PPP2R5C: variants seen among roughly 807,000 people sequenced by gnomAD.
The protein encoded by PPP2R5C is protein phosphatase 2 regulatory subunit B'gamma.
Under a neutral mutation model 68.9 loss-of-function variants are expected in PPP2R5C, and 7 were observed. The observed-to-expected ratio is 0.10, with a 90% CI of 0.06 to 0.19. PPP2R5C has a LOEUF of 0.19. Among genes scored for constraint, PPP2R5C ranks in the 10% least tolerant of loss-of-function variants. PPP2R5C has a pLI of 1.00. For synonymous variants in PPP2R5C, 210 were observed against 222.2 expected, an observed-to-expected ratio of 0.95 and a Z score of 0.49; for missense variants, 348 against 641.3, an observed-to-expected ratio of 0.54 and a Z score of 4.94.
At chr14:101,814,266 A>G (rs893821314) in intron 1 of PPP2R5C, among the ~76,000 whole-genome samples, 2 of 152,218 alleles carry the variant, frequency 1.3e-5, no homozygotes, top group African/African-American at 4.8e-5. Flanking sequence ...TCTCTTTACT[A>G]TGTAACTGCA....
At chr14:101,864,324 A>C (rs1300136730) in intron 2 of PPP2R5C, among the ~76,000 whole-genome samples, 1 of 152,120 alleles carries the variant, frequency 6.6e-6, no homozygotes, top group Non-Finnish European at 1.5e-5. Context: ...AAATATCCAA[A>C]TCTATTGTGC....
intron 8 of PPP2R5C, among the ~76,000 whole-genome samples, chr14:101,896,841 C>T (rs919872870): frequency 6.6e-6 from 1 of 152,108 alleles, no homozygotes; most frequent in African/African-American, 2.4e-5. Flanking sequence ...GGCCCTTTCT[C>T]TCTTTCACAG....
chr14:101,893,698 C>T lies in PPP2R5C; in HGVS notation c.798+590C>T, dbSNP rs1014968258. 1.6e-4 allele frequency among the ~76,000 whole-genome samples: 24 copies of T among 152,262 alleles called. No individual in the cohort carries two copies. The East Asian group carries it at 2.7e-3, about 17-fold the overall frequency. ...CCGGGAGGCGGAGGTTGCAGTGAGC[C>T]GAGATCGCGCCATTGCACTCCAGCC... On this transcript the variant is annotated intron_variant, in intron 7 of 13. Transcript: ENST00000334743.
chr14:101,894,710 A>G (rs1768330817), intron 8 of PPP2R5C, 150 bp downstream of exon 10: 1 of 687,296 alleles, frequency 1.5e-6, no homozygotes, highest in African/African-American at 1.8e-5. Context: ...TTCATGGGTT[A>G]TAGGTTTTCA....
intron 5 of PPP2R5C, among the ~76,000 whole-genome samples, chr14:101,885,639 C>T (rs2044455148): frequency 6.6e-6 from 1 of 152,244 alleles, no homozygotes; most frequent in African/African-American, 2.4e-5. Context: ...TTCCTTTGAA[C>T]TCCTTCCAAG....
At chr14:101,819,849 C>T (rs2039942367) in intron 1 of PPP2R5C, 1 of 152,222 alleles carries the variant, frequency 6.6e-6, no homozygotes, top group Non-Finnish European at 1.5e-5. Flanking sequence ...GTCTCAAACC[C>T]CTGGGCTCAA....
At position 101,860,892 on chromosome 14, in the gene PPP2R5C, C is replaced by T. The variant is rs201744005; in HGVS notation, c.294+4007C>T. ...CCCTTTTCTTTTCCAGATAAAAAGGCTTATTGGGTTCAGAGAGATGCGGGT... is the reference window on the plus strand; with the variant it reads ...CCCTTTTCTTTTCCAGATAAAAAGGTTTATTGGGTTCAGAGAGATGCGGGT... On this transcript the variant is annotated intron_variant, in intron 2 of 13. Transcript: ENST00000334743. Among the ~76,000 whole-genome samples the T allele has an allele frequency of 2.6e-4, 40 of 152,250 alleles. No homozygotes were observed. In the East Asian group the frequency reaches 6.8e-3, roughly 26 times the overall value.
At chr14:101,909,751 C>A in intron 11 of PPP2R5C, 61 bp downstream of exon 13, 2 of 1,249,566 alleles carry the variant, frequency 1.6e-6, no homozygotes, top group Non-Finnish European at 1.1e-6. Context: ...CTAAGTAAAC[C>A]TCTTCCACTG....
chr14:101,904,607 A>G (rs79816396), intron 9 of PPP2R5C, among the ~76,000 whole-genome samples: 1 of 152,074 alleles, frequency 6.6e-6, no homozygotes, highest in Non-Finnish European at 1.5e-5. Flanking sequence ...TGCAAAGTTC[A>G]TCCCAGCTCA....
chr14:101,848,069 A>C (rs980136086), intron 1 of PPP2R5C, among the ~76,000 whole-genome samples: 3 of 152,280 alleles, frequency 2.0e-5, no homozygotes, highest in Admixed American at 2.0e-4. Flanking sequence ...TTTTTATTTT[A>C]TCCATTTGCA....
At chr14:101,925,391 G>A in exon 14 of PPP2R5C, 1 of 1,441,416 alleles carries the variant, frequency 6.9e-7, no homozygotes. Flanking sequence ...ACCCCGTTCC[G>A]TAGGCAATAA....
intron 9 of PPP2R5C, among the ~76,000 whole-genome samples, chr14:101,905,268 C>G (rs569172776): frequency 6.6e-6 from 1 of 152,212 alleles, no homozygotes; most frequent in Non-Finnish European, 1.5e-5. Flanking sequence ...GTAGGAGAAT[C>G]GCTTGAACCC....
chr14:101,873,538 C>G (rs1358525005), intron 2 of PPP2R5C, among the ~76,000 whole-genome samples: 1 of 152,074 alleles, frequency 6.6e-6, no homozygotes. Context: ...TGAATTTTTC[C>G]CATCTGGTTG....
intron 1 of PPP2R5C, among the ~76,000 whole-genome samples, chr14:101,833,937 G>T (rs1216312452): frequency 2.6e-5 from 4 of 152,172 alleles, no homozygotes; most frequent in African/African-American, 9.7e-5. Flanking sequence ...ATGTAGCTGG[G>T]ATTACAGGCA....
intron 2 of PPP2R5C, among the ~76,000 whole-genome samples, chr14:101,863,124 ATGGTGAAACCC>A (rs2042854420): frequency 6.6e-6 from 1 of 152,136 alleles, no homozygotes. Flanking sequence ...CCTGGCCAAC[ATGGTGAAACCC>A]TGTCTCTACT....
At position 101,879,701 on chromosome 14, in the gene PPP2R5C, C is replaced by T. The variant is rs1409380433; in HGVS notation, c.295-2460C>T. Among the ~76,000 whole-genome samples the T allele has an allele frequency of 6.6e-6, 1 of 152,182 alleles. No homozygotes were observed. The highest frequency in any genetic ancestry group is 1.5e-5 in the Non-Finnish European group (1 of 68,036). ...GCCATCTCCCTTTCCTGAAGGTGAC[C>T]CTGTCCTGTGGGTGACTGGACCCTC... On this transcript the variant is annotated intron_variant, in intron 2 of 13. Coordinates refer to ENST00000334743, the Ensembl canonical transcript of PPP2R5C. The surrounding 1 kb of genome is among the most constrained non-coding windows in gnomAD (Gnocchi z 4.2).
At chr14:101,809,690 A>G (rs765737912), upstream of PPP2R5C, 71 of 626,644 alleles carry the variant, frequency 1.1e-4, no homozygotes, top group Admixed American at 4.5e-5. Context: ...GAAGGCTGCA[A>G]AAAGCCGGAA....
upstream of PPP2R5C, among the ~76,000 whole-genome samples, chr14:101,761,402 G>A (rs2036516139): frequency 6.6e-6 from 1 of 151,842 alleles, no homozygotes; most frequent in African/African-American, 2.4e-5. Context: ...TCTGCTCAGC[G>A]GTCAGCCCCG....
intron 1 of PPP2R5C, chr14:101,839,404 C>T (rs1031763551): frequency 3.3e-5 from 5 of 152,092 alleles, no homozygotes; most frequent in Non-Finnish European, 7.3e-5. Context: ...CCACAGGTGG[C>T]ACAGGGCCTG....
Sources: allele counts gnomAD v4.1 joint callset (sites outside exome capture counted in the v4.1 genomes callset), GRCh38; gene constraint gnomAD v4.1.1; non-coding constraint Gnocchi (gnomAD v3.1); transcripts MANE v1.5; gene names NCBI Gene and HGNC (gene_info 2026-07-23, HGNC 2026-07-21).